TYW1B: variants seen among roughly 807,000 people sequenced by gnomAD.
TYW1B encodes the protein tRNA-yW synthesizing protein 1 homolog B.
A neutral mutation model predicts 86.9 loss-of-function variants in TYW1B; 73 were observed. The observed-to-expected ratio is 0.84, with a 90% CI of 0.70 to 1.02. TYW1B has a LOEUF of 1.02. Among genes scored for constraint, TYW1B ranks in the 50% least tolerant of loss-of-function variants. TYW1B has a pLI of 0.00. For synonymous variants in TYW1B, 248 were observed against 292.8 expected (o/e 0.85, Z 1.56); for missense variants, 637 against 827.4 (o/e 0.77, Z 2.82).
At chr7:72,810,138 C>A (rs7793161) in intron 4 of TYW1B, among the ~76,000 whole-genome samples, 1 of 151,698 alleles carries the variant, frequency 6.6e-6, no homozygotes, top group African/African-American at 2.4e-5. Context: ...ATTGGCCAAG[C>A]GTGGTGGCAC....
intron 8 of TYW1B, among the ~76,000 whole-genome samples, chr7:72,736,383 A>G (rs1307766062): frequency 6.6e-6 from 1 of 152,224 alleles, no homozygotes; most frequent in East Asian, 1.9e-4. Context: ...TGTGGGAGCT[A>G]AGAATACAAA....
At chr7:72,797,770 G>A (rs192906664) in intron 6 of TYW1B, among the ~76,000 whole-genome samples, 1 of 152,208 alleles carries the variant, frequency 6.6e-6, no homozygotes, top group East Asian at 1.9e-4. Flanking sequence ...AGTGCTTTCA[G>A]GGAGTTCTGT....
At chr7:72,824,246 T>G (rs1255219418) in intron 2 of TYW1B, among the ~76,000 whole-genome samples, 1 of 152,080 alleles carries the variant, frequency 6.6e-6, no homozygotes, top group South Asian at 2.1e-4. Context: ...AGACCTTGAT[T>G]TTTCCTCTAA....
intron 11 of TYW1B, among the ~76,000 whole-genome samples, chr7:72,667,445 T>C (rs1273455444): frequency 2.6e-5 from 4 of 152,200 alleles, no homozygotes; most frequent in Admixed American, 2.0e-4. Flanking sequence ...CCAGGCGCGG[T>C]GGCTCACGCC....
intron 6 of TYW1B, among the ~76,000 whole-genome samples, chr7:72,783,451 T>C (rs1224660291): frequency 6.6e-6 from 1 of 151,152 alleles, no homozygotes; most frequent in Non-Finnish European, 1.5e-5. Flanking sequence ...TTAATATTAA[T>C]CTAAACTAAT....
Position 72,740,040 on chromosome 7 carries a change from T to A in TYW1B, c.1082+4444A>T, listed in dbSNP as rs553548273. On this transcript the variant is annotated intron_variant, in intron 8 of 13. Coordinates refer to ENST00000620995, the MANE Select transcript of TYW1B (RefSeq NM_001145440.3). ...TGAGGCCAGGAGTTCGAGACCAGTC[T>A]GGCTAACACCGTGAAACCCCATCTC... Among the ~76,000 whole-genome samples, 7 of 147,944 alleles carry A rather than the reference T, an allele frequency of 4.7e-5. No homozygotes were observed. The East Asian group carries it at 9.8e-4, about 21-fold the overall frequency.
At chr7:72,715,875 G>A (rs535603076) in intron 9 of TYW1B, among the ~76,000 whole-genome samples, 5 of 152,228 alleles carry the variant, frequency 3.3e-5, no homozygotes, top group African/African-American at 1.2e-4. Flanking sequence ...TGGGCCTAGG[G>A]GAGAAGCGTG....
At chr7:72,790,176 C>T (rs1318411626) in intron 6 of TYW1B, among the ~76,000 whole-genome samples, 1 of 151,600 alleles carries the variant, frequency 6.6e-6, no homozygotes, top group Non-Finnish European at 1.5e-5. Context: ...GGTCTCCTGA[C>T]CTCAGGTGAT....
chr7:72,748,125 C>T (rs1312011670), intron 7 of TYW1B, among the ~76,000 whole-genome samples: 4 of 152,002 alleles, frequency 2.6e-5, no homozygotes, highest in East Asian at 1.9e-4. Context: ...AAAAATTAGC[C>T]GGGCTTGGTG....
intron 7 of TYW1B, among the ~76,000 whole-genome samples, chr7:72,773,007 T>C (rs538575817): frequency 6.6e-6 from 1 of 152,338 alleles, no homozygotes; most frequent in East Asian, 1.9e-4. Context: ...ACTGAATAAC[T>C]CATCTCTGAT....
At chr7:72,662,632 C>T (rs1813360309) in intron 11 of TYW1B, among the ~76,000 whole-genome samples, 1 of 151,166 alleles carries the variant, frequency 6.6e-6, no homozygotes, top group Non-Finnish European at 1.5e-5. Context: ...CACATTTTTC[C>T]CCCCAGTGTG....
At chr7:72,812,487 G>T (rs547063167) in intron 3 of TYW1B, among the ~76,000 whole-genome samples, 4 of 152,166 alleles carry the variant, frequency 2.6e-5, no homozygotes, top group African/African-American at 9.6e-5. Context: ...AAGTCATGAG[G>T]TAAGTTACAA....
intron 6 of TYW1B, among the ~76,000 whole-genome samples, chr7:72,780,110 TA>T (rs1304254068): frequency 6.6e-6 from 1 of 152,174 alleles, no homozygotes; most frequent in Admixed American, 6.5e-5. Context: ...ATTATTTTGT[TA>T]AGATAGTTTA....
intron 8 of TYW1B, among the ~76,000 whole-genome samples, 187 bp from the exon 9 acceptor site, chr7:72,729,118 T>G (rs1418904415): frequency 6.6e-6 from 1 of 152,114 alleles, no homozygotes; most frequent in Non-Finnish European, 1.5e-5. Flanking sequence ...GAGGGGTGAA[T>G]AGAGAAATCA....
intron 7 of TYW1B, 95 bp from the exon 8 acceptor site, chr7:72,744,696 G>A (rs1249475733): frequency 9.0e-6 from 12 of 1,338,000 alleles, no homozygotes; most frequent in South Asian, 7.2e-5. Flanking sequence ...CATGTGTTTC[G>A]TAACCATGAA....
intron 13 of TYW1B, among the ~76,000 whole-genome samples, chr7:72,584,659 T>C (rs554477391): frequency 2.6e-5 from 4 of 152,148 alleles, no homozygotes; most frequent in Non-Finnish European, 5.9e-5. Flanking sequence ...TTTCGCCACG[T>C]TGGCCTGGCT....
At chr7:72,805,132 A>T (rs1554476420) in intron 5 of TYW1B, among the ~76,000 whole-genome samples, 3 of 151,674 alleles carry the variant, frequency 2.0e-5, no homozygotes. Context: ...CAAAGATGCC[A>T]ATCCAGTAAG....
chr7:72,694,905 T>C lies in TYW1B; in HGVS notation c.1371-83A>G, dbSNP rs1290884063. 1.9e-5 allele frequency: 28 copies of C among 1,492,734 alleles called. No homozygotes were observed. In the African/African-American group the frequency reaches 2.1e-4, roughly 11 times the overall value. 92.5% of individuals were successfully genotyped at this position (1,492,734 alleles called of 1,614,324 possible). On this transcript the variant is annotated intron_variant, in intron 10 of 13. Transcript: ENST00000620995. ...CATGATATAAAACCTGTAATAGACA[T>C]GGGTATTAAACACTTCACAGGGTCT...
intron 9 of TYW1B, among the ~76,000 whole-genome samples, chr7:72,720,520 A>T (rs1554457167): frequency 6.6e-6 from 1 of 152,230 alleles, no homozygotes; most frequent in African/African-American, 2.4e-5. Flanking sequence ...TTTTAAAGTA[A>T]TGGATTCTTA....
Sources: gnomAD v4.1 joint callset for allele counts (sites outside exome capture counted in the v4.1 genomes callset) on GRCh38, gnomAD v4.1.1 for gene constraint, MANE v1.5 for transcripts, NCBI Gene and HGNC (gene_info 2026-07-23, HGNC 2026-07-21) for gene names.